The following MMP26 variants were observed in gnomAD, a reference collection of about 807,000 sequenced individuals.
The protein encoded by MMP26 is matrix metallopeptidase 26, also known as matrix metalloproteinase-26.
In MMP26, 33 loss-of-function variants were observed where a neutral mutation model predicts 31.0. The observed-to-expected ratio is 1.06, with a 90% CI of 0.81 to 1.42. The LOEUF (loss-of-function observed/expected upper bound fraction) is 1.42. Ranked by LOEUF, MMP26 falls within the 40% of genes most tolerant of loss-of-function variation. The pLI is 0.00. For missense variants in MMP26, 347 were observed against 316.1 expected (o/e 1.10, Z -0.74); for synonymous variants, 122 against 114.9 (o/e 1.06, Z -0.40).
chr11:4,897,099 TAC>T (rs34497707), intron 2 of MMP26, among the ~76,000 whole-genome samples: 11 of 150,276 alleles, frequency 7.3e-5, no homozygotes, highest in South Asian at 2.1e-4. Context: ...AGTATATGTA[TAC>T]ACACACACAC....
chr11:4,834,475 C>G (rs768996137), intron 2 of MMP26, among the ~76,000 whole-genome samples: 1 of 152,178 alleles, frequency 6.6e-6, no homozygotes, highest in Non-Finnish European at 1.5e-5. Context: ...TTTACTACAT[C>G]AGGGTCCAGG....
chr11:4,740,248 TA>T (rs1164863064), intron 1 of MMP26, among the ~76,000 whole-genome samples: 1 of 152,046 alleles, frequency 6.6e-6, no homozygotes, highest in African/African-American at 2.4e-5. Context: ...AAAGTTACAA[TA>T]AAAAATAATG....
At chr11:4,779,761 T>C (rs1207319464) in intron 2 of MMP26, among the ~76,000 whole-genome samples, 3 of 152,088 alleles carry the variant, frequency 2.0e-5, no homozygotes, top group African/African-American at 4.8e-5. Context: ...TTCAACATAT[T>C]CCTTAGCTTA....
At chr11:4,849,963 G>C (rs1481115954) in intron 2 of MMP26, among the ~76,000 whole-genome samples, 1 of 152,082 alleles carries the variant, frequency 6.6e-6, no homozygotes, top group African/African-American at 2.4e-5. Context: ...CCATCGCCTT[G>C]AGTAATTATA....
At chr11:4,759,324 TTAAG>T (rs1848544660) in intron 1 of MMP26, among the ~76,000 whole-genome samples, 2 of 152,078 alleles carry the variant, frequency 1.3e-5, no homozygotes, top group Admixed American at 1.3e-4. Flanking sequence ...CACGGAGTGT[TTAAG>T]TAAAATTTGT....
rs1030347450 is a variant in MMP26 at position 4,989,842 on chromosome 11, G to A, written c.294G>A (p.Lys98=). ...SDTSISPGRC[K]WNKHTLTYRI... ...CCTCCATCTCGCCAGGAAGATGCAA[G>A]TGGAATAAGCACACTCTAACTTACA... The change falls in exon 4 of 8, where the codon AAG becomes AAA. Residue 98 remains lysine, a synonymous_variant. Coordinates refer to ENST00000380390, the MANE Select transcript of MMP26 (RefSeq NM_021801.5). 2 of 1,610,722 alleles carry A rather than the reference G, an allele frequency of 1.2e-6. No individual in the cohort carries two copies. The highest frequency in any genetic ancestry group is 2.7e-5 in the African/African-American group (2 of 75,030).
intron 2 of MMP26, chr11:4,848,791 A>G (rs749323041): frequency 1.2e-6 from 2 of 1,614,134 alleles, no homozygotes; most frequent in Non-Finnish European, 8.5e-7. Flanking sequence ...AGCGCTGGGT[A>G]GTGGAGAGGT....
chr11:4,924,025 G>T (rs1276123229), intron 2 of MMP26: 2 of 1,614,166 alleles, frequency 1.2e-6, no homozygotes. Flanking sequence ...AGGTGTGGAT[G>T]AAGAAGAGCT....
At chr11:4,806,472 T>G (rs532984345) in intron 2 of MMP26, among the ~76,000 whole-genome samples, 1 of 152,352 alleles carries the variant, frequency 6.6e-6, no homozygotes, top group East Asian at 1.9e-4. Flanking sequence ...TTTACCATTA[T>G]GTAATGGGCT....
intron 2 of MMP26, among the ~76,000 whole-genome samples, chr11:4,773,594 G>GT (rs1564906518): frequency 1.3e-4 from 18 of 141,070 alleles, no homozygotes; most frequent in African/African-American, 3.4e-4. Context: ...GTGTTTGTGG[G>GT]GTTTTTTTTT....
chr11:4,764,646 G>A (rs1848605644), intron 1 of MMP26, among the ~76,000 whole-genome samples: 1 of 152,198 alleles, frequency 6.6e-6, no homozygotes, highest in Non-Finnish European at 1.5e-5. Flanking sequence ...CGAGGCGGGT[G>A]GATCACGAGG....
intron 1 of MMP26, among the ~76,000 whole-genome samples, chr11:4,746,538 A>G (rs1377249446): frequency 6.6e-6 from 1 of 152,134 alleles, no homozygotes; most frequent in Non-Finnish European, 1.5e-5. Flanking sequence ...GTTAAAGATG[A>G]ATAAGAATAT....
At chr11:4,867,418 T>G (rs1850251499) in intron 2 of MMP26, among the ~76,000 whole-genome samples, 1 of 128,530 alleles carries the variant, frequency 7.8e-6, no homozygotes, top group Non-Finnish European at 1.6e-5. Flanking sequence ...TTTGATGGAG[T>G]CTCTCTCTGT....
At chr11:4,972,543 A>T (rs1321649629) in intron 2 of MMP26, among the ~76,000 whole-genome samples, 2 of 152,226 alleles carry the variant, frequency 1.3e-5, no homozygotes, top group Non-Finnish European at 2.9e-5. Context: ...CATATCTCAA[A>T]GATGTCAAAA....
intron 2 of MMP26, among the ~76,000 whole-genome samples, chr11:4,806,661 C>T (rs918583042): frequency 6.6e-6 from 1 of 152,096 alleles, no homozygotes; most frequent in East Asian, 1.9e-4. Context: ...ACTGATAAAT[C>T]TCTCAAGATT....
chr11:4,856,267 A>C (rs1163985051), intron 2 of MMP26, among the ~76,000 whole-genome samples: 9 of 152,216 alleles, frequency 5.9e-5, no homozygotes, highest in African/African-American at 1.9e-4. Flanking sequence ...ATTAAAAGAC[A>C]CAGACTGGCA....
At chr11:4,898,978 A>G (rs1850762407) in intron 2 of MMP26, among the ~76,000 whole-genome samples, 1 of 152,112 alleles carries the variant, frequency 6.6e-6, no homozygotes, top group South Asian at 2.1e-4. Context: ...TGTCAGTGCT[A>G]CAGAAAAATC....
intron 1 of MMP26, among the ~76,000 whole-genome samples, chr11:4,751,641 C>G (rs1313159612): frequency 2.0e-5 from 3 of 151,972 alleles, no homozygotes; most frequent in African/African-American, 7.3e-5. Context: ...AGGAAATTAC[C>G]ATAGACAGGA....
chr11:4,874,553 G>A (rs1471549837), intron 2 of MMP26, among the ~76,000 whole-genome samples: 1 of 134,624 alleles, frequency 7.4e-6, no homozygotes, highest in Non-Finnish European at 1.7e-5. Flanking sequence ...GTATATGTGT[G>A]TGTGGTGTGT....
Sources: gnomAD v4.1 joint callset for allele counts (sites outside exome capture counted in the v4.1 genomes callset) on GRCh38, gnomAD v4.1.1 for gene constraint, MANE v1.5 for transcripts, NCBI Gene and HGNC (gene_info 2026-07-23, HGNC 2026-07-21) for gene names.